Variants in BMPR1B observed in about 807,000 individuals in gnomAD.
BMPR1B encodes the protein bone morphogenetic protein receptor type-1B.
In BMPR1B, 12 loss-of-function variants were observed where a neutral mutation model predicts 59.1. The ratio of observed to expected loss-of-function variants is 0.20; its 90% CI spans 0.13 to 0.33. The LOEUF (loss-of-function observed/expected upper bound fraction) is 0.33. Ranked by LOEUF, BMPR1B falls within the 10% of genes least tolerant of loss-of-function variation. The probability of loss-of-function intolerance (pLI) is 1.00; values close to 1 mark genes in which losing one functional copy is unlikely to be tolerated. For synonymous variants in BMPR1B, 237 were observed against 207.3 expected, an observed-to-expected ratio of 1.14 and a Z score of -1.23; for missense variants, 550 against 610.9, an observed-to-expected ratio of 0.90 and a Z score of 1.05.
chr4:94,990,627 ACAGGG>A (rs1721674173), intron 2 of BMPR1B, among the ~76,000 whole-genome samples: 1 of 152,218 alleles, frequency 6.6e-6, no homozygotes, highest in Non-Finnish European at 1.5e-5. Flanking sequence ...AGAAGAAAAC[ACAGGG>A]CTGCTTGACT....
intron 3 of BMPR1B, among the ~76,000 whole-genome samples, chr4:95,013,167 A>G (rs1456664676): frequency 1.3e-5 from 2 of 152,092 alleles, no homozygotes; most frequent in African/African-American, 4.8e-5. Context: ...ACACAGATTT[A>G]GTAAATATGA....
At chr4:94,984,291 A>G (rs1007883693) in intron 2 of BMPR1B, among the ~76,000 whole-genome samples, 3 of 152,220 alleles carry the variant, frequency 2.0e-5, no homozygotes, top group Non-Finnish European at 4.4e-5. Flanking sequence ...TGCATTTTCC[A>G]GTAACACCTG....
chr4:94,874,764 G>T (rs936178996), intron 1 of BMPR1B, among the ~76,000 whole-genome samples: 9 of 152,092 alleles, frequency 5.9e-5, no homozygotes, highest in Non-Finnish European at 1.2e-4. Flanking sequence ...GGCCGAGGCG[G>T]GTAGATCACT....
intron 3 of BMPR1B, among the ~76,000 whole-genome samples, chr4:95,051,311 G>T (rs146973036): frequency 8.5e-5 from 13 of 152,316 alleles, no homozygotes; most frequent in Non-Finnish European, 1.9e-4. Context: ...TTTTATGACA[G>T]CAGCGTTTTA....
chr4:94,807,600 T>G (rs1247881143), intron 1 of BMPR1B, among the ~76,000 whole-genome samples: 1 of 152,194 alleles, frequency 6.6e-6, no homozygotes, highest in Non-Finnish European at 1.5e-5. Context: ...AGAATATAAG[T>G]TTTTTAAACT....
chr4:94,909,302 AC>A (rs1728184920), intron 2 of BMPR1B, among the ~76,000 whole-genome samples: 1 of 152,018 alleles, frequency 6.6e-6, no homozygotes, highest in Non-Finnish European at 1.5e-5. Context: ...ATACTAACTT[AC>A]TATATACTCA....
At chr4:94,837,372 T>G (rs892380356) in intron 1 of BMPR1B, among the ~76,000 whole-genome samples, 1 of 145,460 alleles carries the variant, frequency 6.9e-6, no homozygotes. Flanking sequence ...TTTCACGATA[T>G]TGATTCTTCC....
At chr4:95,046,034 ATGAAT>A (rs1726034986) in intron 3 of BMPR1B, among the ~76,000 whole-genome samples, 1 of 152,146 alleles carries the variant, frequency 6.6e-6, no homozygotes, top group Admixed American at 6.5e-5. Context: ...TTAAATGAAA[ATGAAT>A]TGATTTGAAT....
At chr4:94,760,957 A>G (rs1560802865) in intron 1 of BMPR1B, among the ~76,000 whole-genome samples, 1 of 152,220 alleles carries the variant, frequency 6.6e-6, no homozygotes, top group Admixed American at 6.5e-5. Context: ...GTCATCACAC[A>G]CATTAATAAT....
intron 2 of BMPR1B, among the ~76,000 whole-genome samples, chr4:94,897,053 G>A (rs1221373417): frequency 6.6e-6 from 1 of 152,032 alleles, no homozygotes; most frequent in African/African-American, 2.4e-5. Context: ...CTTTGCATAT[G>A]TAAATATCCG....
At chr4:95,026,697 C>T (rs947715249) in intron 3 of BMPR1B, among the ~76,000 whole-genome samples, 36 of 139,344 alleles carry the variant, frequency 2.6e-4, no homozygotes, top group Non-Finnish European at 3.3e-4. Context: ...CTCCCCTCCC[C>T]TCCCCTCCCC....
At chr4:94,841,369 C>T (rs35435113) in intron 1 of BMPR1B, among the ~76,000 whole-genome samples, 15 of 150,396 alleles carry the variant, frequency 1.0e-4, no homozygotes, top group Non-Finnish European at 1.5e-4. Flanking sequence ...GCCTCGCTGC[C>T]GCCTTGCAGT....
chr4:94,783,394 A>T (rs1211943945), intron 1 of BMPR1B, among the ~76,000 whole-genome samples: 3 of 152,158 alleles, frequency 2.0e-5, no homozygotes, highest in African/African-American at 7.2e-5. Context: ...CTTCCTCTTA[A>T]TTGCTTACCA....
At chr4:94,783,038 G>A (rs1168293018) in intron 1 of BMPR1B, among the ~76,000 whole-genome samples, 3 of 152,250 alleles carry the variant, frequency 2.0e-5, no homozygotes, top group East Asian at 1.9e-4. Flanking sequence ...CTAATGGTGG[G>A]TGCAACCTTG....
intron 1 of BMPR1B, among the ~76,000 whole-genome samples, chr4:94,865,414 G>A (rs59304180): frequency 0.037 from 5,612 of 150,452 alleles, 343 homozygotes; most frequent in African/African-American, 0.13. Context: ...TTTTTGAGAC[G>A]GAGTCTCGCT....
intron 1 of BMPR1B, among the ~76,000 whole-genome samples, chr4:94,860,369 C>G (rs1320166526): frequency 6.6e-6 from 1 of 152,144 alleles, no homozygotes; most frequent in African/African-American, 2.4e-5. Context: ...AAATAGTCAT[C>G]AGATGTTACA....
chr4:95,115,719 A>C lies in BMPR1B; in HGVS notation c.281A>C (p.Glu94Ala), dbSNP rs139161475. 4 of 1,613,816 alleles carry C rather than the reference A, an allele frequency of 2.5e-6. No individual in the cohort carries two copies. The East Asian group carries it at 6.7e-5, about 27-fold the overall frequency. The change falls in exon 6 of 13, where the codon GAA (glutamate) becomes GCA (alanine). Residue 94 changes from glutamate to alanine, a missense_variant. Transcript: ENST00000515059. The part of the protein sequence containing the change: ...TPIPHQRRSI[E>A]CCTERNECNK... Reference sequence around the variant, plus strand: ...ATTCCTCATCAAAGAAGATCAATTGAATGCTGCACAGAAAGGAACGAATGT... The same window carrying C: ...ATTCCTCATCAAAGAAGATCAATTGCATGCTGCACAGAAAGGAACGAATGT...
At chr4:95,013,720 T>C (rs1015944965) in intron 3 of BMPR1B, among the ~76,000 whole-genome samples, 36 of 150,916 alleles carry the variant, frequency 2.4e-4, no homozygotes, top group Admixed American at 5.3e-4. Context: ...TCAACCCACA[T>C]TGAAGTCTAG....
At position 95,137,835 on chromosome 4, in the gene BMPR1B, A is replaced by G. The variant is rs182332891; in HGVS notation, c.1076+6323A>G. On this transcript the variant is annotated intron_variant, in intron 10 of 12. Coordinates refer to ENST00000515059, the MANE Select transcript of BMPR1B (RefSeq NM_001203.3). ...GAGATGGGTCTCCTGAATACAGCAC[A>G]CTGATGGGTCTTGACTCTTTATCCA... 4.9e-3 allele frequency among the ~76,000 whole-genome samples: 753 copies of G among 152,180 alleles called. 3 individuals are homozygous for G. Among genetic ancestry groups the G allele is most frequent in the Non-Finnish European group, 7.0e-3 (479 of 68,024 alleles).
Sources: gnomAD v4.1 joint callset for allele counts (sites outside exome capture counted in the v4.1 genomes callset) on GRCh38, gnomAD v4.1.1 for gene constraint, MANE v1.5 for transcripts, NCBI Gene and HGNC (gene_info 2026-07-23, HGNC 2026-07-21) for gene names.